Variants in CCDC142 observed in about 807,000 individuals in gnomAD.
The protein encoded by CCDC142 is coiled-coil domain-containing protein 142.
A neutral mutation model predicts 83.8 loss-of-function variants in CCDC142; 67 were observed. That is an observed-to-expected ratio of 0.80 (90% confidence interval 0.66 to 0.98). The LOEUF (loss-of-function observed/expected upper bound fraction) is 0.98. Ranked by LOEUF, CCDC142 falls within the 50% of genes least tolerant of loss-of-function variation. The pLI, the probability that CCDC142 is intolerant of heterozygous loss-of-function variation, is 0.00. For synonymous variants in CCDC142, 421 were observed against 421.2 expected (o/e 1.00, Z 0.01); for missense variants, 905 against 946.8 (o/e 0.96, Z 0.58).
At chr2:74,475,185 G>C in intron 7 of CCDC142, 40 bp downstream of exon 7, 1 of 1,613,718 alleles carries the variant, frequency 6.2e-7, no homozygotes, top group Non-Finnish European at 8.5e-7. Context: ...CCTTTTCCCA[G>C]TTCCATTCAC....
rs774474621 is a variant in CCDC142 at position 74,474,989 on chromosome 2, C to T, written c.1923G>A (p.Leu641=). Residue 641 remains leucine, a synonymous_variant, in exon 8 of 9, where the codon CTG becomes CTA. Transcript: ENST00000393965. ...TLLMLSIFQQ[L]DGALLCLLQQ... ...GCAACAGACACAGCAGGGCCCCATCCAGCTGCTGGAAGATGCTGAGCATGA... is the reference window on the plus strand; with the variant it reads ...GCAACAGACACAGCAGGGCCCCATCTAGCTGCTGGAAGATGCTGAGCATGA... 1 of 1,613,788 alleles carries T rather than the reference C, an allele frequency of 6.2e-7. No homozygotes were observed. Among genetic ancestry groups the T allele is most frequent in the Non-Finnish European group, 8.5e-7 (1 of 1,179,844 alleles).
rs1672259365 is a variant in CCDC142 at position 74,474,267 on chromosome 2, T to G, written c.*279A>C. 4.2e-6 allele frequency: 1 copy of G among 238,574 alleles called. No individual in the cohort carries two copies. 14.8% of individuals were successfully genotyped at this position (238,574 alleles called of 1,614,324 possible). On this transcript the variant is annotated 3_prime_UTR_variant, in exon 9 of 9. Transcript: ENST00000393965. Reference sequence around the variant, plus strand: ...CCCGGCTAATTTTTTGTATTTTTAGTGGAAACAGGGTTTCACCGTGTTAGC... The same window carrying G: ...CCCGGCTAATTTTTTGTATTTTTAGGGGAAACAGGGTTTCACCGTGTTAGC...
chr2:74,475,828 T>C lies in CCDC142; in HGVS notation c.1504-102A>G, dbSNP rs1672312338. 17 of 732,138 alleles carry C rather than the reference T, an allele frequency of 2.3e-5. No homozygotes were observed. In the East Asian group the frequency reaches 4.6e-4, roughly 20 times the overall value. 45.4% of individuals were successfully genotyped at this position (732,138 alleles called of 1,614,324 possible). On this transcript the variant is annotated intron_variant, in intron 5 of 8. Transcript: ENST00000393965. ...ACTTGACATCCATAAAACCCCAGAA[T>C]TGTTGCATAGTTGTGTATGCCTGGC...
In CCDC142 at chr2:74,481,917, G is replaced by A. The variant is rs369653452; in HGVS notation, c.921C>T (p.Thr307=). ...TCTGAGCACAGGCTGCCCACAGCAG[G>A]GTCCAGTATTGGCTCCACAAGGCCC... ...GAGALWSQYW[T]LLWAACAQSL... The change falls in exon 1 of 9, where the codon ACC becomes ACT. Residue 307 remains threonine, a synonymous_variant. Coordinates refer to ENST00000393965, the MANE Select transcript of CCDC142 (RefSeq NM_001365575.2). 5 of 1,614,114 alleles carry A rather than the reference G, an allele frequency of 3.1e-6. No homozygotes were observed. In the East Asian group the frequency reaches 1.1e-4, roughly 36 times the overall value.
intron 5 of CCDC142, among the ~76,000 whole-genome samples, chr2:74,476,507 C>A (rs142876076): frequency 6.6e-6 from 1 of 152,112 alleles, no homozygotes; most frequent in East Asian, 1.9e-4. Flanking sequence ...TTATCACCTA[C>A]AAAAGGAAGA....
chr2:74,475,501 C>G, intron 6 of CCDC142, 99 bp from the exon 7 acceptor site: 1 of 1,468,716 alleles, frequency 6.8e-7, no homozygotes, highest in Non-Finnish European at 9.3e-7. Context: ...GGGAAGGGTA[C>G]AGAAGCTGAG....
In CCDC142 at chr2:74,473,474, C is replaced by T. The variant is rs1672236346; in HGVS notation, c.*1072G>A. Among the ~76,000 whole-genome samples, 1 of 152,142 alleles carries T rather than the reference C, an allele frequency of 6.6e-6. No individual in the cohort carries two copies. Among genetic ancestry groups the T allele is most frequent in the Admixed American group, 6.5e-5 (1 of 15,280 alleles). On this transcript the variant is annotated 3_prime_UTR_variant, in exon 9 of 9. Coordinates refer to ENST00000393965, the MANE Select transcript of CCDC142 (RefSeq NM_001365575.2). ...TAGCTGGGACTACAGGCGCGTGCCA[C>T]CACGCCCGGCTAATTTTTTGTATTT...
intron 5 of CCDC142, 75 bp downstream of exon 5, chr2:74,480,694 C>G: frequency 1.0e-6 from 1 of 976,796 alleles, no homozygotes; most frequent in Non-Finnish European, 1.6e-6. Flanking sequence ...CTGAGATGTT[C>G]TACTCTTCCC....
At position 74,474,953 on chromosome 2, in the gene CCDC142, C is replaced by G; in HGVS notation, c.1959G>C (p.Leu653=). 6.2e-7 allele frequency: 1 copy of G among 1,607,084 alleles called. No individual in the cohort carries two copies. Among genetic ancestry groups the G allele is most frequent in the Non-Finnish European group, 8.5e-7 (1 of 1,176,274 alleles). The part of the protein sequence containing the change: ...GALLCLLQQP[L]PKSQVHRRPP... ...GCCTCCTGTGGACTTGAGACTTGGG[C>G]AGGGGCTGCTGCAACAGACACAGCA... is the stretch of plus-strand genomic sequence containing the variant. Residue 653 remains leucine (L), a synonymous_variant, in exon 8 of 9, where the codon CTG becomes CTC. Transcript: ENST00000393965.
Position 74,482,749 on chromosome 2 carries a change from T to G in CCDC142, c.89A>C (p.Gln30Pro), listed in dbSNP as rs148806272. The G allele has an allele frequency of 3.7e-6, 6 of 1,602,222 alleles. No individual in the cohort carries two copies. The African/African-American group carries it at 8.0e-5, about 21-fold the overall frequency. ...RAQPGGTGEEQWERSRTGGLR... is the reference protein window; with the variant it reads ...RAQPGGTGEEPWERSRTGGLR... The stretch of plus-strand genomic sequence containing the variant: ...ACCGCCCGTTCGACTTCTCTCCCAC[T>G]GCTCCTCCCCAGTGCCCCCGGGTTG... Residue 30 changes from glutamine (Q) to proline (P), a missense_variant, in exon 1 of 9, where the codon CAG becomes CCG. Physicochemically the swap from Gln to Pro is moderately conservative, Grantham distance 76. Around this residue, in one of 3 missense-constraint regions of CCDC142, gnomAD observed 591 missense variants for 571.4 expected, o/e 1.03. Coordinates refer to ENST00000393965, the MANE Select transcript of CCDC142 (RefSeq NM_001365575.2). This position sits in a 1 kb window ranked among gnomAD's most constrained non-coding sequence, Gnocchi z 5.0.
Position 74,481,875 on chromosome 2 carries a change from C to G in CCDC142, c.963G>C (p.Leu321=). 1 of 1,614,152 alleles carries G rather than the reference C, an allele frequency of 6.2e-7. No individual in the cohort carries two copies. The highest frequency in any genetic ancestry group is 2.2e-5 in the East Asian group (1 of 44,870). Residue 321 remains leucine, a synonymous_variant, in exon 1 of 9, where the codon CTG becomes CTC. Coordinates refer to ENST00000393965, the MANE Select transcript of CCDC142 (RefSeq NM_001365575.2). ...AACAQSLDLN[L]GPWRDPRATA... ...TTGCCCTGGGGTCCCTCCAGGGTCC[C>G]AGATTTAGGTCCAGACTCTGAGCAC...
rs1672308289 is a variant in CCDC142, at chr2:74,475,700, G to A, written c.1530C>T (p.Val510=). ...IQLLPEESLS[V]FSQECHKQAM... ...CTTGTTTATGACATTCTTGAGAAAA[G>A]ACACTTAGTGACTCTTCAGGCAGGA... Residue 510 remains valine, a synonymous_variant, in exon 6 of 9, where the codon GTC becomes GTT. Coordinates refer to ENST00000393965, the MANE Select transcript of CCDC142 (RefSeq NM_001365575.2). The A allele has an allele frequency of 6.2e-7, 1 of 1,613,658 alleles. No homozygotes were observed. Among genetic ancestry groups the A allele is most frequent in the Non-Finnish European group, 8.5e-7 (1 of 1,179,614 alleles).
At position 74,481,309 on chromosome 2, in the gene CCDC142, G is replaced by A; in HGVS notation, c.1172C>T (p.Thr391Ile). 1 of 1,614,170 alleles carries A rather than the reference G, an allele frequency of 6.2e-7. No homozygotes were observed. The highest frequency in any genetic ancestry group is 8.5e-7 in the Non-Finnish European group (1 of 1,180,036). Residue 391 changes from threonine to isoleucine, a missense_variant, in exon 3 of 9, where the codon ACT (threonine) becomes ATT (isoleucine). Transcript: ENST00000393965. ...GQSSLPTSSG[T>I]AELLQQLFPP... Reference sequence around the variant, plus strand: ...AAAGAGCTGCTGCAAAAGTTCAGCAGTGCCAGAGGATGTGGGAAGGCTGCT... The same window carrying A: ...AAAGAGCTGCTGCAAAAGTTCAGCAATGCCAGAGGATGTGGGAAGGCTGCT...
chr2:74,475,455 A>C, intron 6 of CCDC142, 53 bp from the exon 7 acceptor site: 2 of 1,523,532 alleles, frequency 1.3e-6, no homozygotes, highest in Non-Finnish European at 1.8e-6. Context: ...GAACCCCTAA[A>C]TGGAGTGTTT....
In CCDC142 at chr2:74,481,491, T is replaced by C; in HGVS notation, c.1069A>G (p.Arg357Gly). The C allele has an allele frequency of 6.2e-7, 1 of 1,614,174 alleles. No individual in the cohort carries two copies. The highest frequency in any genetic ancestry group is 1.7e-5 in the Admixed American group (1 of 60,018). The change falls in exon 2 of 9, where the codon AGA becomes GGA. Residue 357 changes from arginine to glycine, a missense_variant. By Grantham distance (125) the Arg-to-Gly change is moderately radical. Coordinates refer to ENST00000393965, the MANE Select transcript of CCDC142 (RefSeq NM_001365575.2). ...CAGATAAGCGACTGATGAAGTAGTCTGTGACACAAAGATGCCAGCTCCTTC... is the reference window on the plus strand; with the variant it reads ...CAGATAAGCGACTGATGAAGTAGTCCGTGACACAAAGATGCCAGCTCCTTC... ...CEKELASLCH[R>G]LLHQSLIWSW...
chr2:74,477,349 C>A (rs1036902360), intron 5 of CCDC142, among the ~76,000 whole-genome samples: 2 of 152,156 alleles, frequency 1.3e-5, no homozygotes, highest in African/African-American at 4.8e-5. Context: ...AACTCCTGAC[C>A]TCAAGTTATC....
Position 74,473,763 on chromosome 2 carries a change from ATTTTTT to A in CCDC142, c.*777_*782del, listed in dbSNP as rs34305895. The A allele has an allele frequency of 3.4e-4, 22 of 64,032 alleles. No individual in the cohort carries two copies. The highest frequency in any genetic ancestry group is 1.1e-3 in the African/African-American group (18 of 15,678). 4.0% of individuals were successfully genotyped at this position (64,032 alleles called of 1,614,324 possible). A position where few individuals can be genotyped will look rare whatever the true frequency, so the allele number is the denominator to read the frequency against. ...ATTCCAGGTGCTGGAGTGATCTTGG[ATTTTTT>A]TTTTTTTTTTTTTTTTTTTTGAGAC... On this transcript the variant is annotated 3_prime_UTR_variant, in exon 9 of 9. Coordinates refer to ENST00000393965, the MANE Select transcript of CCDC142 (RefSeq NM_001365575.2).
In CCDC142 at chr2:74,482,926, G is replaced by A. The variant is rs1415245084; in HGVS notation, c.-89C>T. ...CAGCTCGGACTTCGCCCCATCGCAA[G>A]AGCCGTTTTCTCCAGTCCGGGAGTC... is the stretch of plus-strand genomic sequence containing the variant. On this transcript the variant is annotated 5_prime_UTR_variant, in exon 1 of 9. Coordinates refer to ENST00000393965, the MANE Select transcript of CCDC142 (RefSeq NM_001365575.2). This position sits in a 1 kb window ranked among gnomAD's most constrained non-coding sequence, Gnocchi z 5.0. The A allele has an allele frequency of 5.1e-6, 8 of 1,565,652 alleles. No individual in the cohort carries two copies. Among genetic ancestry groups the A allele is most frequent in the Non-Finnish European group, 6.1e-6 (7 of 1,153,554 alleles).
At position 74,473,021 on chromosome 2, in the gene CCDC142, G is replaced by A; in HGVS notation, c.*1525C>T. On this transcript the variant is annotated 3_prime_UTR_variant, in exon 9 of 9. Transcript: ENST00000393965. ...TGCTGGGCCACATCTAGGCTAACTC[G>A]ATCTTAAATCCTGGCTTCTTCCAAA... is the stretch of plus-strand genomic sequence containing the variant. 2 of 327,038 alleles carry A rather than the reference G, an allele frequency of 6.1e-6. No individual in the cohort carries two copies. Among genetic ancestry groups the A allele is most frequent in the South Asian group, 5.8e-5 (2 of 34,742 alleles). The allele number at this position is 327,038 out of a possible 1,614,324, so 20.3% of individuals were successfully genotyped here.
Sources: gnomAD v4.1 joint callset for allele counts (sites outside exome capture counted in the v4.1 genomes callset) on GRCh38, gnomAD v4.1.1 for gene constraint, gnomAD v4.1.1 regional missense constraint, Gnocchi (gnomAD v3.1) non-coding constraint, MANE v1.5 for transcripts, NCBI Gene and HGNC (gene_info 2026-07-23, HGNC 2026-07-21) for gene names.